Variants in EBF1 observed in about 807,000 individuals in gnomAD.
EBF1 encodes EBF transcription factor 1.
In EBF1, 10 loss-of-function variants were observed where a neutral mutation model predicts 68.4. That is an observed-to-expected ratio of 0.15 (90% confidence interval 0.09 to 0.25). EBF1 has a LOEUF of 0.25. Among genes scored for constraint, EBF1 ranks in the 10% least tolerant of loss-of-function variants. The pLI, the probability that EBF1 is intolerant of heterozygous loss-of-function variation, is 1.00. For missense variants in EBF1, 509 were observed against 794.4 expected (o/e 0.64, Z 4.32); for synonymous variants, 298 against 299.8 (o/e 0.99, Z 0.06).
chr5:158,815,316 C>G (rs1320092579), intron 8 of EBF1, among the ~76,000 whole-genome samples: 1 of 152,150 alleles, frequency 6.6e-6, no homozygotes, highest in Non-Finnish European at 1.5e-5. Context: ...GACCTAAGGT[C>G]AAATTCCAGG....
intron 15 of EBF1, 43 bp from the exon 16 acceptor site, chr5:158,699,185 A>G: frequency 6.4e-7 from 1 of 1,570,748 alleles, no homozygotes; most frequent in Non-Finnish European, 8.6e-7. Context: ...TTTGCGTTCA[A>G]ACTTCTCACT....
chr5:158,769,021 T>C (rs1259953916), intron 10 of EBF1, among the ~76,000 whole-genome samples: 1 of 152,172 alleles, frequency 6.6e-6, no homozygotes, highest in Non-Finnish European at 1.5e-5. Flanking sequence ...TTATTGTTAA[T>C]AGCTTTCTAA....
rs142816713 is a variant in EBF1, at chr5:159,042,390, C to T, written c.554+31006G>A. On this transcript the variant is annotated intron_variant, in intron 6 of 15. Transcript: ENST00000313708. ...GCCCATCAAAGGCAAAGCCTGGACC[C>T]GAAGCCAGCCTTTCTCTTGCATCCC... Among the ~76,000 whole-genome samples the T allele has an allele frequency of 5.3e-5, 8 of 152,290 alleles. No individual in the cohort carries two copies. The East Asian group carries it at 1.5e-3, about 29-fold the overall frequency.
intron 2 of EBF1, chr5:159,096,738 T>G (rs1782687113): frequency 1.6e-6 from 1 of 626,940 alleles, no homozygotes; most frequent in Non-Finnish European, 2.7e-6. Context: ...GGCTGTGGAT[T>G]GTAGAGCCAG....
At chr5:158,911,590 A>G (rs1805984488) in intron 6 of EBF1, among the ~76,000 whole-genome samples, 2 of 152,144 alleles carry the variant, frequency 1.3e-5, no homozygotes, top group Admixed American at 6.5e-5. Flanking sequence ...CTGCAAACAG[A>G]CAACAGGGCA....
intron 8 of EBF1, among the ~76,000 whole-genome samples, chr5:158,819,797 C>T (rs1379933737): frequency 6.6e-6 from 1 of 152,128 alleles, no homozygotes; most frequent in Non-Finnish European, 1.5e-5. Context: ...GCTAAATGGT[C>T]CCATAAATAT....
chr5:158,703,072 T>C lies in EBF1; in HGVS notation c.1745-3930A>G, dbSNP rs192716419. On this transcript the variant is annotated intron_variant, in intron 15 of 15. Coordinates refer to ENST00000313708, the MANE Select transcript of EBF1 (RefSeq NM_024007.5). Reference sequence around the variant, plus strand: ...CATCAGCGGGGGTTCCAATGGCATGTAACAGCCTTCTTGGGGATGCCTCTG... The same window carrying C: ...CATCAGCGGGGGTTCCAATGGCATGCAACAGCCTTCTTGGGGATGCCTCTG... Among the ~76,000 whole-genome samples, 38 of 152,320 alleles carry C rather than the reference T, an allele frequency of 2.5e-4. No homozygotes were observed. The Middle Eastern group carries it at 0.014, about 55-fold the overall frequency.
intron 6 of EBF1, among the ~76,000 whole-genome samples, chr5:159,040,288 G>T (rs564660854): frequency 3.2e-4 from 48 of 152,272 alleles, no homozygotes; most frequent in Non-Finnish European, 6.6e-4. Context: ...TTTAATAAAT[G>T]ATTCTGCAAA....
chr5:158,782,501 A>C lies in EBF1; in HGVS notation c.910-4962T>G, dbSNP rs577460151. ...AAGTAAGACCCTGTCTCTACAAAAA[A>C]AAAATTTTAATTAGCCAGGCATGGC... On this transcript the variant is annotated intron_variant, in intron 9 of 15. Coordinates refer to ENST00000313708, the MANE Select transcript of EBF1 (RefSeq NM_024007.5). Among the ~76,000 whole-genome samples the C allele has an allele frequency of 8.5e-5, 13 of 152,118 alleles. No homozygotes were observed. In the East Asian group the frequency reaches 1.4e-3, roughly 16 times the overall value.
At chr5:158,757,487 G>A (rs950826672) in intron 10 of EBF1, among the ~76,000 whole-genome samples, 1 of 152,000 alleles carries the variant, frequency 6.6e-6, no homozygotes, top group African/African-American at 2.4e-5. Flanking sequence ...TTATGTACGT[G>A]GTATCTCCGG....
chr5:159,001,611 C>T (rs1249479505), intron 6 of EBF1, among the ~76,000 whole-genome samples: 1 of 152,194 alleles, frequency 6.6e-6, no homozygotes, highest in African/African-American at 2.4e-5. Context: ...TAATTGCTAG[C>T]TTCTGATATT....
intron 6 of EBF1, among the ~76,000 whole-genome samples, chr5:158,931,374 A>G (rs1344892663): frequency 6.6e-6 from 1 of 152,202 alleles, no homozygotes; most frequent in South Asian, 2.1e-4. Context: ...GTGAATGAAA[A>G]ATGAAAATTG....
At chr5:158,958,978 A>T (rs182661138) in intron 6 of EBF1, among the ~76,000 whole-genome samples, 6 of 152,352 alleles carry the variant, frequency 3.9e-5, no homozygotes, top group African/African-American at 1.4e-4. Context: ...TCCCCAAGTC[A>T]TCTTGAACTG....
intron 6 of EBF1, among the ~76,000 whole-genome samples, chr5:159,003,710 G>T (rs991333256): frequency 6.6e-6 from 1 of 152,226 alleles, no homozygotes; most frequent in African/African-American, 2.4e-5. Flanking sequence ...CTGAGCACAT[G>T]CCCACAAGCC....
At chr5:158,848,044 C>T (rs145667545) in intron 6 of EBF1, among the ~76,000 whole-genome samples, 2 of 152,350 alleles carry the variant, frequency 1.3e-5, no homozygotes, top group East Asian at 1.9e-4. Context: ...GCAGTTACTA[C>T]AGCAAACACA....
At chr5:158,751,752 T>G (rs1230655415) in intron 10 of EBF1, among the ~76,000 whole-genome samples, 1 of 152,122 alleles carries the variant, frequency 6.6e-6, no homozygotes, top group Non-Finnish European at 1.5e-5. Flanking sequence ...CAATAAGTAC[T>G]TATCCATTAA....
intron 6 of EBF1, among the ~76,000 whole-genome samples, chr5:158,844,713 C>G (rs747545731): frequency 6.6e-6 from 1 of 152,182 alleles, no homozygotes; most frequent in African/African-American, 2.4e-5. Context: ...TGAATGCCTG[C>G]GCTCTTAAAC....
Position 158,969,904 on chromosome 5 carries a change from GAAAGAAAGAAAGAAAA to G in EBF1, c.554+103476_554+103491del, listed in dbSNP as rs755536646. ...AGAAAGAAAGAAAGAAAGAAAGAAA[GAAAGAAAGAAAGAAAA>G]AAAAAAAAAAGGCTGCTGGAAGTTT... is the stretch of plus-strand genomic sequence containing the variant. On this transcript the variant is annotated intron_variant, in intron 6 of 15. Transcript: ENST00000313708. 9.5e-3 allele frequency among the ~76,000 whole-genome samples: 1,002 copies of G among 105,634 alleles called. 49 individuals are homozygous for G. The highest frequency in any genetic ancestry group is 0.017 in the South Asian group (59 of 3,402). 69.3% of individuals were successfully genotyped at this position (105,634 alleles called of 152,430 possible).
chr5:158,966,442 TACAAAA>T (rs1754135952), intron 6 of EBF1, among the ~76,000 whole-genome samples: 3 of 152,128 alleles, frequency 2.0e-5, no homozygotes, highest in African/African-American at 7.2e-5. Context: ...TTCCCCTCTC[TACAAAA>T]GCAGCATTAC....
Sources: gnomAD v4.1 joint callset for allele counts (sites outside exome capture counted in the v4.1 genomes callset) on GRCh38, gnomAD v4.1.1 for gene constraint, MANE v1.5 for transcripts, NCBI Gene and HGNC (gene_info 2026-07-23, HGNC 2026-07-21) for gene names.